Variants in CACNA1C observed in about 807,000 individuals in gnomAD.
CACNA1C encodes calcium voltage-gated channel subunit alpha1 C, also known as voltage-dependent L-type calcium channel subunit alpha-1C.
Under a neutral mutation model 229.0 loss-of-function variants are expected in CACNA1C, and 30 were observed. That is an observed-to-expected ratio of 0.13 (90% CI 0.10 to 0.18). The LOEUF is 0.18. CACNA1C is among the 10% of genes least tolerant of loss of function. The probability of loss-of-function intolerance (pLI) is 1.00; values close to 1 mark genes in which losing one functional copy is unlikely to be tolerated. For missense variants in CACNA1C, 1,658 were observed against 2,845.0 expected (o/e 0.58, Z 9.49); for synonymous variants, 1,114 against 1,132.5 (o/e 0.98, Z 0.33).
chr12:2,657,871 CAA>C (rs1459829453), intron 34 of CACNA1C, among the ~76,000 whole-genome samples: 2 of 151,898 alleles, frequency 1.3e-5, no homozygotes, highest in Admixed American at 1.3e-4. Context: ...TTAAACAAGA[CAA>C]AGAGGGATTT....
Position 2,646,016 on chromosome 12 carries a change from C to T in CACNA1C, c.3913-2459C>T, listed in dbSNP as rs2094319568. On this transcript the variant is annotated intron_variant, in intron 30 of 46. Coordinates refer to ENST00000399655, the MANE Select transcript of CACNA1C (RefSeq NM_000719.7). This position sits in a 1 kb window ranked among gnomAD's most constrained non-coding sequence, Gnocchi z 4.6. ...CTACTGTCCTCATAGCTGCTCCTGA[C>T]TTTCTCTTGTCTGCCATTATAGAGA... Among the ~76,000 whole-genome samples the T allele has an allele frequency of 6.6e-6, 1 of 152,180 alleles. No individual in the cohort carries two copies. Among genetic ancestry groups the T allele is most frequent in the Non-Finnish European group, 1.5e-5 (1 of 68,034 alleles).
At chr12:2,255,410 C>T (rs1326631636) in intron 3 of CACNA1C, among the ~76,000 whole-genome samples, 1 of 152,196 alleles carries the variant, frequency 6.6e-6, no homozygotes, top group Non-Finnish European at 1.5e-5. Context: ...GATCCAGGTC[C>T]ATTTACTAAT....
intron 3 of CACNA1C, among the ~76,000 whole-genome samples, chr12:2,240,467 G>A (rs972382959): frequency 6.6e-6 from 1 of 152,206 alleles, no homozygotes; most frequent in South Asian, 2.1e-4. Context: ...ACTGAGGCAG[G>A]TAGAATCCAA....
At chr12:2,113,605 G>A (rs999925043) in intron 1 of CACNA1C, among the ~76,000 whole-genome samples, 1 of 152,170 alleles carries the variant, frequency 6.6e-6, no homozygotes, top group South Asian at 2.1e-4. Flanking sequence ...TTCGGCCACA[G>A]TCTCTGGGCA....
intron 5 of CACNA1C, among the ~76,000 whole-genome samples, chr12:2,458,967 G>T (rs2099468908): frequency 6.8e-6 from 1 of 147,656 alleles, no homozygotes; most frequent in Non-Finnish European, 1.5e-5. Flanking sequence ...GATTGTCTTG[G>T]ATTCTTTTTC....
rs964224797 is a variant in CACNA1C at position 2,653,704 on chromosome 12, T to C, written c.4075-131T>C. The C allele has an allele frequency of 9.6e-6, 7 of 732,180 alleles. No homozygotes were observed. In the Admixed American group the frequency reaches 1.2e-4, roughly 13 times the overall value. 45.4% of individuals were successfully genotyped at this position (732,180 alleles called of 1,614,324 possible). ...GTTCCCCGTAGTCCTGTGGGACTCT[T>C]GGAAGTGTCCCCCGGCCCAAACCGG... On this transcript the variant is annotated intron_variant, in intron 32 of 46. Coordinates refer to ENST00000399655, the MANE Select transcript of CACNA1C (RefSeq NM_000719.7). The surrounding 1 kb of genome is among the most constrained non-coding windows in gnomAD (Gnocchi z 4.7).
At chr12:2,318,869 T>G (rs1164828208) in intron 3 of CACNA1C, among the ~76,000 whole-genome samples, 383 of 100,016 alleles carry the variant, frequency 3.8e-3, no homozygotes, top group African/African-American at 5.7e-3. Context: ...GGGAGGGAGG[T>G]GGATGGGGAG....
chr12:2,125,388 G>T (rs1414987491), intron 3 of CACNA1C, among the ~76,000 whole-genome samples: 1 of 152,184 alleles, frequency 6.6e-6, no homozygotes, highest in Non-Finnish European at 1.5e-5. Context: ...GTTTGCTGAG[G>T]TTCAATGCTT....
At chr12:2,428,641 C>G (rs1232289343) in intron 3 of CACNA1C, among the ~76,000 whole-genome samples, 1 of 152,200 alleles carries the variant, frequency 6.6e-6, no homozygotes, top group Non-Finnish European at 1.5e-5. Context: ...TCCCTGCTAC[C>G]TACTTATCTG....
At chr12:2,323,341 C>A (rs1022109979) in intron 3 of CACNA1C, among the ~76,000 whole-genome samples, 1 of 152,214 alleles carries the variant, frequency 6.6e-6, no homozygotes, top group South Asian at 2.1e-4. Context: ...TCTGCTCCCC[C>A]TGGAGAGGTC....
intron 3 of CACNA1C, among the ~76,000 whole-genome samples, chr12:2,248,898 T>C (rs2074428019): frequency 1.3e-5 from 2 of 152,188 alleles, no homozygotes; most frequent in South Asian, 4.1e-4. Context: ...AGCATCACGA[T>C]AGTCCTGTTC....
intron 3 of CACNA1C, among the ~76,000 whole-genome samples, chr12:2,151,618 T>G (rs2095273858): frequency 6.6e-6 from 1 of 152,110 alleles, no homozygotes; most frequent in Admixed American, 6.5e-5. Context: ...TGTCATAGAA[T>G]GGGTCGTGAA....
At chr12:2,016,667 T>C (rs141795603) in intron 1 of CACNA1C, among the ~76,000 whole-genome samples, 2 of 152,310 alleles carry the variant, frequency 1.3e-5, no homozygotes, top group Non-Finnish European at 2.9e-5. Flanking sequence ...TGATCTCAGG[T>C]GATCCGCTCC....
At chr12:2,379,069 A>G (rs1449260544) in intron 3 of CACNA1C, among the ~76,000 whole-genome samples, 1 of 152,262 alleles carries the variant, frequency 6.6e-6, no homozygotes, top group African/African-American at 2.4e-5. Context: ...GAAATATTTC[A>G]GTTCCTTTTT....
At chr12:2,002,590 T>C (rs149275393) in intron 1 of CACNA1C, among the ~76,000 whole-genome samples, 1 of 152,286 alleles carries the variant, frequency 6.6e-6, no homozygotes, top group African/African-American at 2.4e-5. Context: ...TTGATAAGGG[T>C]CAAAAGCCTA....
chr12:2,656,116 A>G (rs935121022), intron 34 of CACNA1C, among the ~76,000 whole-genome samples: 1 of 152,366 alleles, frequency 6.6e-6, no homozygotes. Context: ...AGCAAGTTTT[A>G]AAAAGTTATC....
intron 1 of CACNA1C, among the ~76,000 whole-genome samples, chr12:2,091,759 A>G (rs1318645543): frequency 6.6e-6 from 1 of 152,234 alleles, no homozygotes; most frequent in East Asian, 1.9e-4. Flanking sequence ...GGCCTCTGCT[A>G]TGTGGAAGGC....
rs553647909 is a variant in CACNA1C, at chr12:2,619,681, C to T, written c.3828+7668C>T. Among the ~76,000 whole-genome samples the T allele has an allele frequency of 1.6e-4, 24 of 152,242 alleles. No individual in the cohort carries two copies. In the South Asian group the frequency reaches 1.9e-3, roughly 12 times the overall value. On this transcript the variant is annotated intron_variant, in intron 29 of 46. Transcript: ENST00000399655. ...CAGTTTTTCACCATTCCCTCTCTTT[C>T]TCGGTGCCTAGGCCTTGCCATTCTT...
chr12:2,005,859 A>C (rs2043316117), intron 1 of CACNA1C, among the ~76,000 whole-genome samples: 1 of 152,238 alleles, frequency 6.6e-6, no homozygotes, highest in African/African-American at 2.4e-5. Context: ...ATTGCAGCTA[A>C]GCTTTGAGAA....
Sources: gnomAD v4.1 joint callset for allele counts (sites outside exome capture counted in the v4.1 genomes callset) on GRCh38, gnomAD v4.1.1 for gene constraint, Gnocchi (gnomAD v3.1) non-coding constraint, MANE v1.5 for transcripts, NCBI Gene and HGNC (gene_info 2026-07-23, HGNC 2026-07-21) for gene names.